Variants in CFAP70 observed in about 807,000 individuals in gnomAD.
The protein encoded by CFAP70 is cilia- and flagella-associated protein 70.
In CFAP70, 81 loss-of-function variants were observed where a neutral mutation model predicts 137.6. That is an observed-to-expected ratio of 0.59 (90% CI 0.49 to 0.71). The LOEUF (loss-of-function observed/expected upper bound fraction) is 0.71, where lower values mean the gene tolerates loss of function less well. CFAP70 is among the 30% of genes least tolerant of loss of function. The pLI, the probability that CFAP70 is intolerant of heterozygous loss-of-function variation, is 0.00. For missense variants in CFAP70, 976 were observed against 1,226.7 expected, an observed-to-expected ratio of 0.80 and a Z score of 3.05; for synonymous variants, 382 against 423.6, an observed-to-expected ratio of 0.90 and a Z score of 1.20.
intron 1 of CFAP70, among the ~76,000 whole-genome samples, chr10:73,358,376 G>C (rs1416517027): frequency 6.6e-6 from 1 of 152,248 alleles, no homozygotes; most frequent in Non-Finnish European, 1.5e-5. Context: ...GGAAGAAGCT[G>C]CAAGGGGAGA....
intron 16 of CFAP70, 56 bp from the exon 18 acceptor site, chr10:73,292,070 C>G: frequency 6.3e-7 from 1 of 1,588,354 alleles, no homozygotes; most frequent in South Asian, 1.1e-5. Flanking sequence ...TTTATGCATA[C>G]GACATCACAT....
chr10:73,269,776 C>T, intron 24 of CFAP70, 61 bp from the exon 26 acceptor site: 1 of 980,228 alleles, frequency 1.0e-6, no homozygotes, highest in African/African-American at 1.6e-5. Flanking sequence ...CCCAATAATA[C>T]TGGTGTATAT....
intron 19 of CFAP70, among the ~76,000 whole-genome samples, chr10:73,283,999 C>T (rs1424067123): frequency 6.6e-6 from 1 of 152,172 alleles, no homozygotes; most frequent in East Asian, 1.9e-4. Context: ...TTTCCTATTG[C>T]TGCTGTAACA....
At chr10:73,299,203 AGTTTGTTT>A (rs113530143) in intron 13 of CFAP70, 102 bp from the exon 15 acceptor site, 6 of 837,878 alleles carry the variant, frequency 7.2e-6, no homozygotes, top group African/African-American at 1.8e-5. Context: ...ATACTTTATT[AGTTTGTTT>A]GTTTGTTTGT....
chr10:73,320,372 G>A (rs187215609), intron 9 of CFAP70, among the ~76,000 whole-genome samples: 48 of 151,300 alleles, frequency 3.2e-4, no homozygotes, highest in Admixed American at 4.6e-4. Flanking sequence ...TCACTCAGGC[G>A]GAGTACAGTA....
At chr10:73,330,879 T>C (rs2052003107) in intron 8 of CFAP70, among the ~76,000 whole-genome samples, 1 of 152,182 alleles carries the variant, frequency 6.6e-6, no homozygotes, top group African/African-American at 2.4e-5. Context: ...GGTAAAACTA[T>C]TGTGAAGGGC....
In CFAP70 at chr10:73,313,371, C is replaced by CAAA. The variant is rs775077463; in HGVS notation, c.913-731_913-729dup. ...TGGGCGATAGAGCGAGACTCTGTCT[C>CAAA]AAAAAAAAAAAAAAAAAAAAAATCA... On this transcript the variant is annotated intron_variant, in intron 9 of 26. Transcript: ENST00000310715. Among the ~76,000 whole-genome samples the CAAA allele has an allele frequency of 3.3e-3, 195 of 59,130 alleles. 4 individuals carry two copies. Among genetic ancestry groups the CAAA allele is most frequent in the African/African-American group, 0.011 (187 of 16,266 alleles). The allele number at this position is 59,130 out of a possible 152,430, so 38.8% of individuals were successfully genotyped here. A position where few individuals can be genotyped will look rare whatever the true frequency, so the allele number is the denominator to read the frequency against.
intron 25 of CFAP70, among the ~76,000 whole-genome samples, chr10:73,262,595 GA>G (rs1473461205): frequency 6.6e-6 from 1 of 152,100 alleles, no homozygotes; most frequent in East Asian, 1.9e-4. Flanking sequence ...TTTTATCCAT[GA>G]AAATGTGAAG....
At chr10:73,255,194 C>A (rs2044354042) in intron 26 of CFAP70, among the ~76,000 whole-genome samples, 1 of 152,128 alleles carries the variant, frequency 6.6e-6, no homozygotes, top group Non-Finnish European at 1.5e-5. Context: ...GTCAGGAGAT[C>A]AAGACCATCC....
At chr10:73,308,855 T>TA (rs1008293945) in intron 12 of CFAP70, among the ~76,000 whole-genome samples, 2 of 92,986 alleles carry the variant, frequency 2.2e-5, no homozygotes, top group African/African-American at 7.9e-5. Context: ...AAAAACCAAA[T>TA]AAAAAATTAT....
intron 4 of CFAP70, among the ~76,000 whole-genome samples, chr10:73,346,748 G>A (rs1425966229): frequency 6.6e-6 from 1 of 152,120 alleles, no homozygotes; most frequent in Non-Finnish European, 1.5e-5. Context: ...TCATGTCATA[G>A]TGTCAAGATT....
intron 3 of CFAP70, among the ~76,000 whole-genome samples, chr10:73,350,587 C>T (rs34443044): frequency 0.15 from 23,217 of 151,870 alleles, 2,882 homozygotes; most frequent in African/African-American, 0.32. Flanking sequence ...CAGTTTGTGG[C>T]TTGTCTTTTA....
chr10:73,263,122 G>T (rs2045427239), intron 25 of CFAP70, among the ~76,000 whole-genome samples: 1 of 152,014 alleles, frequency 6.6e-6, no homozygotes, highest in Non-Finnish European at 1.5e-5. Context: ...ATTTATTTGA[G>T]ACAGGATCTT....
intron 19 of CFAP70, among the ~76,000 whole-genome samples, chr10:73,281,363 A>T (rs1183446388): frequency 3.5e-4 from 49 of 138,218 alleles, no homozygotes; most frequent in African/African-American, 1.3e-3. Flanking sequence ...TTTTTTTTTT[A>T]ATTTTTGTAG....
intron 8 of CFAP70, among the ~76,000 whole-genome samples, chr10:73,324,939 C>T (rs1313457806): frequency 6.6e-6 from 1 of 152,122 alleles, no homozygotes; most frequent in Non-Finnish European, 1.5e-5. Flanking sequence ...AGAACTTCCC[C>T]AATCTAGCAA....
intron 19 of CFAP70, among the ~76,000 whole-genome samples, chr10:73,282,816 T>G (rs1348748142): frequency 6.6e-6 from 1 of 151,806 alleles, no homozygotes; most frequent in Non-Finnish European, 1.5e-5. Flanking sequence ...TTTAGAAATT[T>G]TCCTGTTATC....
intron 22 of CFAP70, chr10:73,274,860 T>G (rs1172646255): frequency 9.3e-6 from 4 of 429,714 alleles, no homozygotes; most frequent in African/African-American, 4.1e-5. Flanking sequence ...AGAAAAACAT[T>G]CAAGCATAAC....
At chr10:73,294,893 G>A (rs1379834292) in intron 15 of CFAP70, 1 of 152,118 alleles carries the variant, frequency 6.6e-6, no homozygotes, top group Non-Finnish European at 1.5e-5. Context: ...TTAAATTCTT[G>A]GTCCTTTCCC....
intron 26 of CFAP70, 112 bp downstream of exon 27, chr10:73,256,257 G>A: frequency 8.2e-7 from 1 of 1,224,872 alleles, no homozygotes; most frequent in Admixed American, 2.1e-5. Flanking sequence ...GGTAAGAAAA[G>A]CCTCTAGAAA....
Sources: allele counts gnomAD v4.1 joint callset (sites outside exome capture counted in the v4.1 genomes callset), GRCh38; gene constraint gnomAD v4.1.1; transcripts MANE v1.5; gene names NCBI Gene and HGNC (gene_info 2026-07-23, HGNC 2026-07-21).